The following CCSER1 variants were observed in gnomAD, a reference collection of about 807,000 sequenced individuals.
The protein encoded by CCSER1 is serine-rich coiled-coil domain-containing protein 1.
In CCSER1, 41 loss-of-function variants were observed where a neutral mutation model predicts 82.0. The ratio of observed to expected loss-of-function variants is 0.50; its 90% CI spans 0.39 to 0.65. The LOEUF (loss-of-function observed/expected upper bound fraction) is 0.65. Ranked by LOEUF, CCSER1 falls within the 30% of genes least tolerant of loss-of-function variation. The pLI is 0.00. For synonymous variants in CCSER1, 414 were observed against 383.9 expected, an observed-to-expected ratio of 1.08 and a Z score of -0.92; for missense variants, 1,119 against 1,064.2, an observed-to-expected ratio of 1.05 and a Z score of -0.72.
At chr4:90,318,634 A>C (rs1375763497) in intron 3 of CCSER1, among the ~76,000 whole-genome samples, 1 of 152,220 alleles carries the variant, frequency 6.6e-6, no homozygotes. Flanking sequence ...GTTGAACTGC[A>C]GAATTTACTT....
chr4:91,070,086 G>A (rs1244756645), intron 9 of CCSER1, among the ~76,000 whole-genome samples: 3 of 151,700 alleles, frequency 2.0e-5, no homozygotes, highest in South Asian at 2.1e-4. Context: ...CCGAGTTCAT[G>A]CCATTCTCCT....
chr4:91,261,990 A>G (rs79969461), intron 10 of CCSER1, among the ~76,000 whole-genome samples: 2,789 of 152,242 alleles, frequency 0.018, 88 homozygotes, highest in African/African-American at 0.061. Context: ...ACTTGAGACA[A>G]ATTTTTAACC....
rs529896380 is a variant in CCSER1, at chr4:90,941,846, A to G, written c.2172+18399A>G. Among the ~76,000 whole-genome samples, 29 of 152,300 alleles carry G rather than the reference A, an allele frequency of 1.9e-4. 1 individual carries two copies. In the South Asian group the frequency reaches 4.3e-3, roughly 23 times the overall value. On this transcript the variant is annotated intron_variant, in intron 9 of 10. Coordinates refer to ENST00000509176, the MANE Select transcript of CCSER1 (RefSeq NM_001145065.2). ...TACATGTCAATGAATAGATCGATGTATATATCCCTCATTGGGGGAAAGACA... is the reference window on the plus strand; with the variant it reads ...TACATGTCAATGAATAGATCGATGTGTATATCCCTCATTGGGGGAAAGACA...
intron 10 of CCSER1, among the ~76,000 whole-genome samples, chr4:91,150,153 G>A (rs532448605): frequency 8.6e-5 from 13 of 151,898 alleles, no homozygotes; most frequent in Admixed American, 4.6e-4. Context: ...CTTTTATTTC[G>A]TTGAGCAGTG....
chr4:90,539,631 A>G (rs1579048662), intron 5 of CCSER1, among the ~76,000 whole-genome samples: 1 of 152,236 alleles, frequency 6.6e-6, no homozygotes, highest in African/African-American at 2.4e-5. Context: ...AGAGTCTGGC[A>G]AATAAATGTT....
At chr4:90,859,956 A>G (rs1580810992) in intron 8 of CCSER1, among the ~76,000 whole-genome samples, 2 of 151,806 alleles carry the variant, frequency 1.3e-5, no homozygotes, top group South Asian at 2.1e-4. Context: ...TTTTTATCAA[A>G]CAGATTTGAA....
chr4:90,520,378 A>G (rs951282138), intron 5 of CCSER1, among the ~76,000 whole-genome samples: 4 of 152,108 alleles, frequency 2.6e-5, no homozygotes, highest in African/African-American at 9.7e-5. Flanking sequence ...TAAATTATAT[A>G]GGGAGCATGG....
intron 1 of CCSER1, among the ~76,000 whole-genome samples, chr4:90,165,938 G>A (rs1041753074): frequency 6.6e-6 from 1 of 151,928 alleles, no homozygotes; most frequent in Non-Finnish European, 1.5e-5. Context: ...TTAAAGCTGG[G>A]GATGTTGTCT....
chr4:91,519,723 CT>C (rs1240740427), intron 10 of CCSER1, among the ~76,000 whole-genome samples: 1 of 152,174 alleles, frequency 6.6e-6, no homozygotes, highest in Non-Finnish European at 1.5e-5. Context: ...GAGGGGGTGT[CT>C]CCCCTGGCTC....
intron 8 of CCSER1, among the ~76,000 whole-genome samples, chr4:90,868,196 T>C (rs1765981194): frequency 6.6e-6 from 1 of 152,012 alleles, no homozygotes; most frequent in Non-Finnish European, 1.5e-5. Flanking sequence ...GTGTTGCAAA[T>C]AGTCCGGTTA....
intron 1 of CCSER1, among the ~76,000 whole-genome samples, chr4:90,156,817 C>G (rs907733629): frequency 1.3e-5 from 2 of 152,170 alleles, no homozygotes; most frequent in Non-Finnish European, 2.9e-5. Context: ...TGGGTCTTGA[C>G]TCTTTATCCA....
intron 6 of CCSER1, among the ~76,000 whole-genome samples, chr4:90,644,698 T>C (rs191829988): frequency 1.2e-3 from 175 of 152,028 alleles, no homozygotes; most frequent in African/African-American, 4.1e-3. Flanking sequence ...AGCTCCCACT[T>C]ATAAGCGAGA....
chr4:90,357,623 A>G (rs1305605536), intron 3 of CCSER1, among the ~76,000 whole-genome samples: 1 of 151,996 alleles, frequency 6.6e-6, no homozygotes, highest in Admixed American at 6.6e-5. Context: ...ATTTTCACTT[A>G]TAGGAAAAGG....
chr4:90,252,648 A>T (rs1469303249), intron 1 of CCSER1, among the ~76,000 whole-genome samples: 1 of 151,838 alleles, frequency 6.6e-6, no homozygotes. Flanking sequence ...ATATTATTTT[A>T]GTTATTTTTA....
intron 10 of CCSER1, among the ~76,000 whole-genome samples, chr4:91,363,694 T>C (rs1749418715): frequency 6.6e-6 from 1 of 151,846 alleles, no homozygotes; most frequent in Admixed American, 6.6e-5. Context: ...TTTGCATCAT[T>C]TTCTTTGATT....
chr4:90,460,981 C>T (rs983593506), intron 4 of CCSER1, among the ~76,000 whole-genome samples: 1 of 151,574 alleles, frequency 6.6e-6, no homozygotes, highest in Non-Finnish European at 1.5e-5. Flanking sequence ...CCATTTCTCA[C>T]TTTGTTTATT....
intron 6 of CCSER1, among the ~76,000 whole-genome samples, chr4:90,719,476 T>C (rs568357303): frequency 6.6e-6 from 1 of 152,236 alleles, no homozygotes; most frequent in African/African-American, 2.4e-5. Context: ...CCCCTCCCAC[T>C]TTGTGGAAAA....
At chr4:90,663,660 A>G (rs6842658) in intron 6 of CCSER1, among the ~76,000 whole-genome samples, 1 of 151,962 alleles carries the variant, frequency 6.6e-6, no homozygotes, top group East Asian at 1.9e-4. Flanking sequence ...ATACTTTATT[A>G]TTCTTCACAA....
intron 10 of CCSER1, among the ~76,000 whole-genome samples, chr4:91,483,240 A>C (rs1234264421): frequency 6.6e-6 from 1 of 152,176 alleles, no homozygotes; most frequent in Non-Finnish European, 1.5e-5. Context: ...CTGATGGTAC[A>C]TACAGAAGCT....
Sources: allele counts gnomAD v4.1 joint callset (sites outside exome capture counted in the v4.1 genomes callset), GRCh38; gene constraint gnomAD v4.1.1; transcripts MANE v1.5; gene names NCBI Gene and HGNC (gene_info 2026-07-23, HGNC 2026-07-21).